RBBP8: variants seen among roughly 807,000 people sequenced by gnomAD.
The protein encoded by RBBP8 is RB binding protein 8, endonuclease.
In RBBP8, 88 loss-of-function variants were observed where a neutral mutation model predicts 108.3. The observed-to-expected ratio is 0.81, with a 90% CI of 0.68 to 0.97. RBBP8 has a LOEUF of 0.97. RBBP8 is among the 50% of genes least tolerant of loss of function. The pLI is 0.00. For missense variants in RBBP8, 1,023 were observed against 1,049.0 expected (o/e 0.98, Z 0.34); for synonymous variants, 332 against 348.2 (o/e 0.95, Z 0.52).
At position 22,978,596 on chromosome 18, in the gene RBBP8, T is replaced by C. The variant is rs1255947862; in HGVS notation, c.428+3377T>C. On this transcript the variant is annotated intron_variant, in intron 6 of 18. Transcript: ENST00000327155. ...AATTGCTTCTCGTGACTCATTCATGTTTCAGGTGGAATTTTTATGACTAAT... is the reference window on the plus strand; with the variant it reads ...AATTGCTTCTCGTGACTCATTCATGCTTCAGGTGGAATTTTTATGACTAAT... 2.0e-5 allele frequency among the ~76,000 whole-genome samples: 3 copies of C among 152,072 alleles called. No homozygotes were observed. In the East Asian group the frequency reaches 5.8e-4, roughly 29 times the overall value.
intron 6 of RBBP8, among the ~76,000 whole-genome samples, chr18:22,981,781 C>T (rs181014253): frequency 6.6e-6 from 1 of 152,334 alleles, no homozygotes; most frequent in African/African-American, 2.4e-5. Flanking sequence ...CAATCTTGCA[C>T]AATACTGTTA....
At chr18:23,004,056 CAAAAAAAAAA>C (rs34653966) in intron 15 of RBBP8, among the ~76,000 whole-genome samples, 10 of 69,656 alleles carry the variant, frequency 1.4e-4, no homozygotes, top group African/African-American at 3.2e-4. Flanking sequence ...GACCCCGTCT[CAAAAAAAAAA>C]AAAAAAAAAA....
chr18:23,024,040 A>AT (rs35157427), intron 18 of RBBP8, among the ~76,000 whole-genome samples: 54,822 of 102,410 alleles, frequency 0.54, 16,416 homozygotes, highest in Non-Finnish European at 0.65. Context: ...TACCCAGCCT[A>AT]TTTTTTTTTT....
At chr18:23,025,605 T>C in intron 18 of RBBP8, among the ~76,000 whole-genome samples, 1 of 152,214 alleles carries the variant, frequency 6.6e-6, no homozygotes, top group East Asian at 1.9e-4. Context: ...GGAGATCTAA[T>C]AGTCTGAAGG....
chr18:23,009,379 G>T (rs953969748), intron 16 of RBBP8, among the ~76,000 whole-genome samples: 2 of 146,500 alleles, frequency 1.4e-5, no homozygotes, highest in African/African-American at 2.5e-5. Context: ...AAATCACTGC[G>T]TTTTTTTTTT....
At chr18:23,011,973 C>G (rs2046171392) in intron 16 of RBBP8, among the ~76,000 whole-genome samples, 1 of 151,836 alleles carries the variant, frequency 6.6e-6, no homozygotes, top group South Asian at 2.1e-4. Flanking sequence ...AATTCCAGAA[C>G]TTTGGGAGGC....
At chr18:22,956,092 A>G (rs1442362635) in intron 4 of RBBP8, among the ~76,000 whole-genome samples, 1 of 151,964 alleles carries the variant, frequency 6.6e-6, no homozygotes, top group African/African-American at 2.4e-5. Context: ...GTTTCCTTGG[A>G]AGGTTTTTTT....
At chr18:23,011,527 C>T (rs1285642478) in intron 16 of RBBP8, among the ~76,000 whole-genome samples, 2 of 150,422 alleles carry the variant, frequency 1.3e-5, no homozygotes, top group African/African-American at 4.9e-5. Flanking sequence ...AGCTCTGCCT[C>T]CCGGGTTCAT....
chr18:22,946,275 CATTGCAGATATGCTTTT>C (rs1275476423), intron 2 of RBBP8, 152 bp from the exon 3 acceptor site: 16 of 761,724 alleles, frequency 2.1e-5, no homozygotes, highest in Non-Finnish European at 3.3e-5. Context: ...AAAAGCAATA[CATTGCAGATATGCTTTT>C]GTGACTGCAG....
intron 4 of RBBP8, among the ~76,000 whole-genome samples, chr18:22,966,354 C>T (rs1913582466): frequency 6.6e-6 from 1 of 152,048 alleles, no homozygotes; most frequent in Non-Finnish European, 1.5e-5. Context: ...TCTAGAAATT[C>T]CGATTCTATT....
At chr18:23,006,130 G>A (rs1012787680) in intron 15 of RBBP8, among the ~76,000 whole-genome samples, 2 of 151,706 alleles carry the variant, frequency 1.3e-5, no homozygotes, top group African/African-American at 4.8e-5. Context: ...AGCTTGCAGT[G>A]AGCAGAGATT....
At chr18:22,989,424 T>A in intron 9 of RBBP8, 106 bp downstream of exon 9, 2 of 812,690 alleles carry the variant, frequency 2.5e-6, no homozygotes, top group Non-Finnish European at 4.1e-6. Context: ...AGATCTTGGG[T>A]AAAGGCCTGA....
chr18:23,016,765 G>A (rs2046261513), intron 16 of RBBP8, 63 bp from the exon 17 acceptor site: 1 of 1,202,892 alleles, frequency 8.3e-7, no homozygotes. Flanking sequence ...ATGAATGAAT[G>A]TTTTGGGGAT....
rs76798174 is a variant in RBBP8 at position 22,965,309 on chromosome 18, T to C, written c.249-3497T>C. Among the ~76,000 whole-genome samples, 95 of 152,280 alleles carry C rather than the reference T, an allele frequency of 6.2e-4. 3 individuals are homozygous for C. The East Asian group carries it at 0.015, about 24-fold the overall frequency. On this transcript the variant is annotated intron_variant, in intron 4 of 18. Coordinates refer to ENST00000327155, the MANE Select transcript of RBBP8 (RefSeq NM_002894.3). ...TTATATTTAAGAGATGAGAATAAAG[T>C]AATTGGAAGCTCTGAGTGCATGGGT...
At chr18:23,017,199 A>C (rs1416230066) in intron 17 of RBBP8, among the ~76,000 whole-genome samples, 1 of 151,958 alleles carries the variant, frequency 6.6e-6, no homozygotes, top group Non-Finnish European at 1.5e-5. Context: ...TACTAAAAAT[A>C]CAAAAGTAAG....
intron 6 of RBBP8, 93 bp downstream of exon 6, chr18:22,975,312 T>C (rs1053580124): frequency 1.1e-4 from 175 of 1,523,192 alleles, no homozygotes; most frequent in Non-Finnish European, 1.5e-4. Context: ...ATTTTAAAAA[T>C]TATGAAGTGT....
intron 15 of RBBP8, among the ~76,000 whole-genome samples, chr18:23,004,014 G>A (rs1481370381): frequency 2.4e-5 from 3 of 122,966 alleles, no homozygotes; most frequent in African/African-American, 6.3e-5. Flanking sequence ...CCAAGATCAC[G>A]CCACTGTGCT....
At chr18:22,923,825 A>G (rs1909690840) in intron 3 of RBBP8, among the ~76,000 whole-genome samples, 1 of 152,194 alleles carries the variant, frequency 6.6e-6, no homozygotes, top group Non-Finnish European at 1.5e-5. Context: ...ACAACTCACA[A>G]CCAGGGCTGG....
chr18:22,939,903 C>G (rs781374472), intron 2 of RBBP8, among the ~76,000 whole-genome samples: 11 of 151,904 alleles, frequency 7.2e-5, no homozygotes, highest in Non-Finnish European at 1.6e-4. Context: ...ATTAGCCAGG[C>G]AAGGAAGATG....
Sources: gnomAD v4.1 joint callset for allele counts (sites outside exome capture counted in the v4.1 genomes callset) on GRCh38, gnomAD v4.1.1 for gene constraint, MANE v1.5 for transcripts, NCBI Gene and HGNC (gene_info 2026-07-23, HGNC 2026-07-21) for gene names.